The following KIF16B variants were observed in gnomAD, a reference collection of about 807,000 sequenced individuals.
KIF16B encodes the protein kinesin family member 16B, also known as kinesin-like protein KIF16B.
KIF16B carries 98 observed loss-of-function variants against 156.3 expected under a neutral mutation model. That is an observed-to-expected ratio of 0.63 (90% CI 0.53 to 0.74). The LOEUF (loss-of-function observed/expected upper bound fraction) is 0.74, where lower values mean the gene tolerates loss of function less well. Among genes scored for constraint, KIF16B ranks in the 30% least tolerant of loss-of-function variants. The pLI, the probability that KIF16B is intolerant of heterozygous loss-of-function variation, is 0.00. For synonymous variants in KIF16B, 564 were observed against 583.7 expected (o/e 0.97, Z 0.49); for missense variants, 1,421 against 1,606.5 (o/e 0.88, Z 1.97).
intron 3 of KIF16B, among the ~76,000 whole-genome samples, chr20:16,522,759 A>T (rs2147122746): frequency 6.6e-6 from 1 of 152,342 alleles, no homozygotes; most frequent in African/African-American, 2.4e-5. Flanking sequence ...AATTGACCAC[A>T]TAATTGGAAG....
At chr20:16,290,151 T>C (rs771148399) in intron 25 of KIF16B, among the ~76,000 whole-genome samples, 4 of 152,216 alleles carry the variant, frequency 2.6e-5, no homozygotes, top group Non-Finnish European at 5.9e-5. Flanking sequence ...CCAATTTGTC[T>C]GACAAAGGCT....
At chr20:16,321,456 C>T (rs528910625) in intron 24 of KIF16B, among the ~76,000 whole-genome samples, 2 of 152,204 alleles carry the variant, frequency 1.3e-5, no homozygotes, top group South Asian at 4.1e-4. Context: ...AAAAACTTCT[C>T]TAGTTCCTAG....
At chr20:16,304,887 T>C (rs1041498076) in intron 25 of KIF16B, among the ~76,000 whole-genome samples, 2 of 152,124 alleles carry the variant, frequency 1.3e-5, no homozygotes, top group African/African-American at 4.8e-5. Context: ...TAAAGTAGAA[T>C]GAGAAAGTGT....
At chr20:16,345,220 C>A (rs6080233) in intron 23 of KIF16B, among the ~76,000 whole-genome samples, 22,328 of 152,204 alleles carry the variant, frequency 0.15, 1,733 homozygotes, top group Admixed American at 0.16. Flanking sequence ...TGTTTCTCTT[C>A]CCACACTTAA....
chr20:16,482,175 A>G (rs549918319), intron 12 of KIF16B, among the ~76,000 whole-genome samples: 36 of 152,172 alleles, frequency 2.4e-4, no homozygotes, highest in Non-Finnish European at 3.5e-4. Context: ...TTGTCAGTAG[A>G]TGCCCATTTG....
intron 12 of KIF16B, among the ~76,000 whole-genome samples, chr20:16,440,545 A>AGG: frequency 2.4e-5 from 2 of 84,040 alleles, no homozygotes; most frequent in South Asian, 6.3e-4. Context: ...ACACACACAC[A>AGG]CACACACACA....
intron 12 of KIF16B, among the ~76,000 whole-genome samples, chr20:16,475,475 T>C (rs1233150726): frequency 6.6e-6 from 1 of 152,212 alleles, no homozygotes; most frequent in Non-Finnish European, 1.5e-5. Context: ...TGACAGTACA[T>C]TCTTTCTGTT....
At chr20:16,341,214 C>T (rs2064134641) in intron 23 of KIF16B, among the ~76,000 whole-genome samples, 1 of 152,152 alleles carries the variant, frequency 6.6e-6, no homozygotes, top group Non-Finnish European at 1.5e-5. Context: ...AACATACAGC[C>T]AAACCACATT....
rs2064793715 is a variant in KIF16B, at chr20:16,370,614, C to T, written c.3470G>A (p.Gly1157Asp). Residue 1157 changes from glycine to aspartate, a missense_variant, in exon 22 of 26, where the codon GGC (glycine) becomes GAC (aspartate). Gly to Asp is a moderately conservative substitution (Grantham distance 94). Coordinates refer to ENST00000354981, the MANE Select transcript of KIF16B (RefSeq NM_024704.5). Reference sequence around the variant, plus strand: ...ATATTTTAGTTTACGTTGAATGGTGCCATTGTGAAGTTTCTCATTATCCTG... The same window carrying T: ...ATATTTTAGTTTACGTTGAATGGTGTCATTGTGAAGTTTCTCATTATCCTG... ...TMKDNEKLHN[G>D]TIQRKLKYER... 1.3e-6 allele frequency: 2 copies of T among 1,578,558 alleles called. No homozygotes were observed. Among genetic ancestry groups the T allele is most frequent in the South Asian group, 1.2e-5 (1 of 83,874 alleles).
At chr20:16,314,920 G>C (rs2063674512) in intron 24 of KIF16B, among the ~76,000 whole-genome samples, 1 of 152,110 alleles carries the variant, frequency 6.6e-6, no homozygotes, top group Non-Finnish European at 1.5e-5. Flanking sequence ...GCTCCCTCCA[G>C]CTTCCATCTC....
At chr20:16,389,257 C>A (rs1431745344) in intron 17 of KIF16B, among the ~76,000 whole-genome samples, 2 of 152,080 alleles carry the variant, frequency 1.3e-5, no homozygotes, top group African/African-American at 4.8e-5. Context: ...CAGACAGGTC[C>A]CATATTTGAT....
At chr20:16,319,288 C>G (rs1013936802) in intron 24 of KIF16B, among the ~76,000 whole-genome samples, 1 of 152,120 alleles carries the variant, frequency 6.6e-6, no homozygotes, top group Non-Finnish European at 1.5e-5. Flanking sequence ...ATGTACTATA[C>G]TAATGGCAGA....
chr20:16,359,654 CA>C (rs577102110), intron 22 of KIF16B, among the ~76,000 whole-genome samples: 20,142 of 78,986 alleles, frequency 0.26, 1,662 homozygotes, highest in African/African-American at 0.44. Flanking sequence ...AGATTCTTTA[CA>C]AAAAAAAAAA....
In KIF16B at chr20:16,573,303, G is replaced by A. The variant is rs761410079; in HGVS notation, c.-28C>T. 3.1e-6 allele frequency: 5 copies of A among 1,608,882 alleles called. No individual in the cohort carries two copies. Among genetic ancestry groups the A allele is most frequent in the South Asian group, 1.1e-5 (1 of 90,242 alleles). On this transcript the variant is annotated 5_prime_UTR_variant, in exon 1 of 26. Transcript: ENST00000354981. ...CTCATCCCGAACCAGCCCGCGCGGG[G>A]TCCCACTAGCCCAGAACTCCGCGGT...
chr20:16,392,220 C>A (rs996973596), intron 17 of KIF16B, among the ~76,000 whole-genome samples: 1 of 152,160 alleles, frequency 6.6e-6, no homozygotes, highest in Non-Finnish European at 1.5e-5. Flanking sequence ...ATCATTTCCT[C>A]ATAATATACA....
chr20:16,445,992 T>C (rs888361260), intron 12 of KIF16B, among the ~76,000 whole-genome samples: 2 of 152,200 alleles, frequency 1.3e-5, no homozygotes, highest in African/African-American at 2.4e-5. Context: ...TATTTGGTCA[T>C]AGACAGTGTA....
At chr20:16,342,853 C>T (rs551358891) in intron 23 of KIF16B, among the ~76,000 whole-genome samples, 11 of 152,290 alleles carry the variant, frequency 7.2e-5, no homozygotes, top group South Asian at 4.1e-4. Context: ...TGTATGATCA[C>T]GGCACAGAAA....
intron 15 of KIF16B, among the ~76,000 whole-genome samples, chr20:16,416,297 C>T (rs971276828): frequency 1.3e-5 from 2 of 152,142 alleles, no homozygotes; most frequent in Non-Finnish European, 2.9e-5. Context: ...TGCCTATGTC[C>T]TGAATGGTAT....
intron 4 of KIF16B, among the ~76,000 whole-genome samples, chr20:16,515,272 C>T (rs28620021): frequency 0.12 from 18,144 of 151,940 alleles, 1,370 homozygotes; most frequent in African/African-American, 0.21. Flanking sequence ...TACTTACGGG[C>T]CCAACACACT....
Sources: allele counts gnomAD v4.1 joint callset (sites outside exome capture counted in the v4.1 genomes callset), GRCh38; gene constraint gnomAD v4.1.1; transcripts MANE v1.5; gene names NCBI Gene and HGNC (gene_info 2026-07-23, HGNC 2026-07-21).